The following SBF2 variants were observed in gnomAD, a reference collection of about 807,000 sequenced individuals.
SBF2 encodes the protein myotubularin-related protein 13.
SBF2 carries 112 observed loss-of-function variants against 225.2 expected under a neutral mutation model. The observed-to-expected ratio is 0.50, with a 90% CI of 0.43 to 0.58. The LOEUF (loss-of-function observed/expected upper bound fraction) is 0.58, where lower values mean the gene tolerates loss of function less well. Among genes scored for constraint, SBF2 ranks in the 20% least tolerant of loss-of-function variants. SBF2 has a pLI of 0.00. For synonymous variants in SBF2, 763 were observed against 773.3 expected (o/e 0.99, Z 0.22); for missense variants, 1,996 against 2,206.2 (o/e 0.90, Z 1.91).
intron 1 of SBF2, among the ~76,000 whole-genome samples, chr11:10,246,437 C>T (rs1959799963): frequency 1.3e-5 from 2 of 152,172 alleles, no homozygotes; most frequent in Non-Finnish European, 2.9e-5. Context: ...GCGTTTGCCA[C>T]CATGCCCAGC....
chr11:10,005,929 G>A (rs1948168760), intron 6 of SBF2, among the ~76,000 whole-genome samples: 1 of 152,136 alleles, frequency 6.6e-6, no homozygotes, highest in South Asian at 2.1e-4. Context: ...GTAGCTCACA[G>A]GGGTAGGAAG....
intron 2 of SBF2, among the ~76,000 whole-genome samples, chr11:10,174,929 A>G (rs1366175229): frequency 6.6e-6 from 1 of 151,342 alleles, no homozygotes; most frequent in East Asian, 2.0e-4. Context: ...TAAGTGAAGG[A>G]GAAATAAAAT....
intron 2 of SBF2, among the ~76,000 whole-genome samples, chr11:10,079,289 G>C (rs1951260798): frequency 6.6e-6 from 1 of 152,122 alleles, no homozygotes; most frequent in Non-Finnish European, 1.5e-5. Context: ...ATAAATTCAG[G>C]ATATAATTGA....
chr11:9,906,972 T>A (rs1862169332), intron 16 of SBF2, among the ~76,000 whole-genome samples: 1 of 152,182 alleles, frequency 6.6e-6, no homozygotes, highest in African/African-American at 2.4e-5. Context: ...AACTCTGGAA[T>A]CTCTAAAAAA....
At chr11:9,916,016 A>G (rs1311699722) in intron 16 of SBF2, among the ~76,000 whole-genome samples, 1 of 152,216 alleles carries the variant, frequency 6.6e-6, no homozygotes, top group Non-Finnish European at 1.5e-5. Context: ...GTGAGCCAAG[A>G]TTGCACCACT....
chr11:10,209,155 G>A (rs578155171), intron 1 of SBF2, among the ~76,000 whole-genome samples: 1 of 152,164 alleles, frequency 6.6e-6, no homozygotes, highest in South Asian at 2.1e-4. Context: ...AGTCAATAAA[G>A]GAGAAGTTAC....
chr11:10,196,866 A>ATATATATATATATATT, intron 1 of SBF2, among the ~76,000 whole-genome samples: 1 of 99,316 alleles, frequency 1.0e-5, no homozygotes. Context: ...ATATATATAT[A>ATATATATATATATATT]TTTTTTTTTT....
At chr11:9,924,716 G>C (rs986772867) in intron 16 of SBF2, among the ~76,000 whole-genome samples, 1 of 152,104 alleles carries the variant, frequency 6.6e-6, no homozygotes, top group South Asian at 2.1e-4. Context: ...ACAGGCGTGA[G>C]CCACCACGCC....
At chr11:9,931,858 C>T (rs1411552407) in intron 16 of SBF2, among the ~76,000 whole-genome samples, 25 of 152,236 alleles carry the variant, frequency 1.6e-4, no homozygotes, top group African/African-American at 6.0e-4. Context: ...TGTTCAAACC[C>T]ATCGCAAGGA....
intron 11 of SBF2, 91 bp from the exon 12 acceptor site, chr11:9,992,634 T>C (rs1947488330): frequency 1.6e-6 from 2 of 1,233,244 alleles, no homozygotes; most frequent in East Asian, 2.5e-5. Flanking sequence ...TCAAAGCCTA[T>C]ATAAATCCCT....
intron 2 of SBF2, among the ~76,000 whole-genome samples, chr11:10,166,388 C>T (rs961439313): frequency 6.6e-6 from 1 of 152,010 alleles, no homozygotes; most frequent in African/African-American, 2.4e-5. Flanking sequence ...TATCAATAAC[C>T]ACAGGATGCA....
chr11:9,887,138 A>G (rs892013336), intron 17 of SBF2, among the ~76,000 whole-genome samples: 10 of 152,072 alleles, frequency 6.6e-5, no homozygotes, highest in Non-Finnish European at 1.5e-5. Context: ...ATATAAAAAA[A>G]AATTGTCCAT....
intron 2 of SBF2, among the ~76,000 whole-genome samples, chr11:10,104,722 A>T (rs1456170277): frequency 6.6e-6 from 1 of 152,226 alleles, no homozygotes; most frequent in Non-Finnish European, 1.5e-5. Flanking sequence ...GTGGGGAGAC[A>T]GATTCTTATT....
intron 16 of SBF2, among the ~76,000 whole-genome samples, chr11:9,920,036 C>T (rs1565003545): frequency 6.6e-6 from 1 of 151,832 alleles, no homozygotes; most frequent in African/African-American, 2.4e-5. Flanking sequence ...CCGGCCTCTT[C>T]TTTTTTAAAA....
At chr11:9,782,379 A>G (rs561044430) in intron 38 of SBF2, among the ~76,000 whole-genome samples, 22 of 152,264 alleles carry the variant, frequency 1.4e-4, no homozygotes, top group African/African-American at 5.3e-4. Flanking sequence ...AAGATGATCA[A>G]CCTCATTAAT....
At chr11:9,888,364 G>A (rs973048995) in intron 17 of SBF2, among the ~76,000 whole-genome samples, 1 of 151,948 alleles carries the variant, frequency 6.6e-6, no homozygotes, top group Non-Finnish European at 1.5e-5. Context: ...AATTAGCTGT[G>A]TGTGGTGGTG....
At chr11:9,958,881 G>A (rs1866375453) in intron 16 of SBF2, 10 of 678,210 alleles carry the variant, frequency 1.5e-5, no homozygotes, top group Admixed American at 1.4e-4. Context: ...ACAGTCTGGG[G>A]AATGTGTATG....
intron 17 of SBF2, among the ~76,000 whole-genome samples, chr11:9,884,242 C>T (rs916547148): frequency 1.3e-5 from 2 of 152,170 alleles, no homozygotes; most frequent in Admixed American, 1.3e-4. Flanking sequence ...GTATTGAATA[C>T]TGGATCATCA....
intron 13 of SBF2, among the ~76,000 whole-genome samples, chr11:9,978,761 C>T (rs1424745433): frequency 2.0e-5 from 3 of 152,054 alleles, no homozygotes; most frequent in South Asian, 2.1e-4. Flanking sequence ...CCTCCTTGGC[C>T]GAGGCGAGTG....
Sources: allele counts gnomAD v4.1 joint callset (sites outside exome capture counted in the v4.1 genomes callset), GRCh38; gene constraint gnomAD v4.1.1; transcripts MANE v1.5; gene names NCBI Gene and HGNC (gene_info 2026-07-23, HGNC 2026-07-21).